The following IL1RAPL1 variants were observed in gnomAD, a reference collection of about 807,000 sequenced individuals.
IL1RAPL1 encodes the protein interleukin 1 receptor accessory protein like 1.
In IL1RAPL1, 3 loss-of-function variants were observed where a neutral mutation model predicts 48.4. The observed-to-expected ratio is 0.06, with a 90% CI of 0.03 to 0.16. IL1RAPL1 has a LOEUF of 0.16. IL1RAPL1 is among the 10% of genes least tolerant of loss of function. The pLI is 1.00. For synonymous variants in IL1RAPL1, 185 were observed against 187.7 expected (o/e 0.99, Z 0.12); for missense variants, 349 against 530.6 (o/e 0.66, Z 3.36).
rs192159720 is a variant in IL1RAPL1, at chrX:29,238,416, C to A, written c.83-44522C>A. Among the ~76,000 whole-genome samples the A allele has an allele frequency of 2.6e-3, 295 of 111,766 alleles. 6 individuals carry two copies. The highest frequency in any genetic ancestry group is 0.024 in the Admixed American group (251 of 10,519). Reference sequence around the variant, plus strand: ...TATCCAGACTTCTTATTTGTTCTTCCTGTATTACCTATTGATTATTATAAT... The same window carrying A: ...TATCCAGACTTCTTATTTGTTCTTCATGTATTACCTATTGATTATTATAAT... On this transcript the variant is annotated intron_variant, in intron 2 of 10. Coordinates refer to ENST00000378993, the MANE Select transcript of IL1RAPL1 (RefSeq NM_014271.4).
intron 1 of IL1RAPL1, among the ~76,000 whole-genome samples, chrX:28,755,915 G>C (rs1369206609): frequency 9.0e-6 from 1 of 111,477 alleles, no homozygotes; most frequent in African/African-American, 3.3e-5. Context: ...CGAGTAATTT[G>C]CACTTCTGTT....
Position 29,460,255 on chromosome X carries a change from C to A in IL1RAPL1, c.703+60947C>A, listed in dbSNP as rs944237806. The stretch of plus-strand genomic sequence containing the variant: ...CTTAACTATCTTGTAATATTGGCCT[C>A]TATGAATTTTTAAGTAGCAGAATCA... On this transcript the variant is annotated intron_variant, in intron 5 of 10. Coordinates refer to ENST00000378993, the MANE Select transcript of IL1RAPL1 (RefSeq NM_014271.4). 9.9e-4 allele frequency among the ~76,000 whole-genome samples: 111 copies of A among 112,184 alleles called. 7 individuals carry two copies. The highest frequency in any genetic ancestry group is 1.3e-4 in the Non-Finnish European group (7 of 53,226).
chrX:29,656,945 C>T (rs1177423880), intron 5 of IL1RAPL1, among the ~76,000 whole-genome samples: 2 of 110,674 alleles, frequency 1.8e-5, no homozygotes, highest in Non-Finnish European at 3.8e-5. Flanking sequence ...TATGGATTTT[C>T]ATCAGTCCTT....
chrX:29,002,515 T>C (rs941141998), intron 2 of IL1RAPL1, among the ~76,000 whole-genome samples: 14 of 109,624 alleles, frequency 1.3e-4, no homozygotes, highest in Non-Finnish European at 2.5e-4. Flanking sequence ...TTATATACTT[T>C]TCTATATGTA....
At chrX:28,724,187 A>G (rs892831877) in intron 1 of IL1RAPL1, among the ~76,000 whole-genome samples, 1 of 111,576 alleles carries the variant, frequency 9.0e-6, no homozygotes, top group Non-Finnish European at 1.9e-5. Flanking sequence ...TAATGTTGAC[A>G]GTGCAGCGTT....
At chrX:28,667,005 G>A (rs188887318) in intron 1 of IL1RAPL1, among the ~76,000 whole-genome samples, 151 of 111,515 alleles carry the variant, frequency 1.4e-3, no homozygotes, top group African/African-American at 4.5e-3. Context: ...GTAGTGTGGA[G>A]ATATTTATTA....
chrX:28,956,411 C>T (rs943686867), intron 2 of IL1RAPL1, among the ~76,000 whole-genome samples: 6 of 110,404 alleles, frequency 5.4e-5, no homozygotes, highest in African/African-American at 1.7e-4. Context: ...TCATAGATAG[C>T]TGTTATTATT....
intron 3 of IL1RAPL1, among the ~76,000 whole-genome samples, chrX:29,381,553 A>G (rs1411561190): frequency 1.1e-5 from 1 of 90,667 alleles, no homozygotes; most frequent in Non-Finnish European, 2.1e-5. Flanking sequence ...GCTGGCATGC[A>G]CCTGTAGTCC....
intron 1 of IL1RAPL1, among the ~76,000 whole-genome samples, chrX:28,713,510 T>C (rs1320939478): frequency 1.8e-5 from 2 of 111,612 alleles, no homozygotes; most frequent in African/African-American, 6.5e-5. Context: ...ATTTTTGCTT[T>C]GGGAGAAAAG....
intron 1 of IL1RAPL1, among the ~76,000 whole-genome samples, chrX:28,706,420 C>CTT (rs199806459): frequency 1.7e-4 from 17 of 102,753 alleles, no homozygotes; most frequent in African/African-American, 5.7e-4. Context: ...TCTTTCTTTT[C>CTT]TTTTTTTTTT....
At chrX:29,927,384 C>T (rs1308880967) in intron 8 of IL1RAPL1, among the ~76,000 whole-genome samples, 1 of 111,849 alleles carries the variant, frequency 8.9e-6, no homozygotes, top group Non-Finnish European at 1.9e-5. Context: ...AATTAATTGC[C>T]TCATTCTTTT....
At chrX:29,585,732 A>G (rs1048303621) in intron 5 of IL1RAPL1, among the ~76,000 whole-genome samples, 1 of 111,834 alleles carries the variant, frequency 8.9e-6, no homozygotes. Flanking sequence ...AGGTGATGTC[A>G]TATGTCATTT....
intron 2 of IL1RAPL1, among the ~76,000 whole-genome samples, chrX:28,809,511 G>C (rs955395778): frequency 9.1e-6 from 1 of 110,489 alleles, no homozygotes; most frequent in African/African-American, 3.3e-5. Flanking sequence ...GAGTACCAAA[G>C]ATATGCAGCA....
chrX:29,284,197 C>T (rs1932246432), intron 3 of IL1RAPL1, among the ~76,000 whole-genome samples: 1 of 111,906 alleles, frequency 8.9e-6, no homozygotes, highest in African/African-American at 3.3e-5. Context: ...AAATCCTGAT[C>T]AGCAGCTAAC....
intron 8 of IL1RAPL1, among the ~76,000 whole-genome samples, chrX:29,925,412 G>GTTTT (rs763481708): frequency 0.076 from 875 of 11,466 alleles, 356 homozygotes; most frequent in South Asian, 0.097. Flanking sequence ...TCCCGTAACT[G>GTTTT]TTTTTTTTTT....
At chrX:29,893,252 A>G (rs556098508) in intron 6 of IL1RAPL1, among the ~76,000 whole-genome samples, 2 of 111,717 alleles carry the variant, frequency 1.8e-5, no homozygotes, top group African/African-American at 3.2e-5. Flanking sequence ...AAATATCAGA[A>G]TAAGTGACAT....
intron 2 of IL1RAPL1, among the ~76,000 whole-genome samples, chrX:28,816,497 T>C (rs1936873253): frequency 9.0e-6 from 1 of 110,677 alleles, no homozygotes; most frequent in Non-Finnish European, 1.9e-5. Flanking sequence ...AGCATGCAGT[T>C]TTTGGTTTTC....
intron 2 of IL1RAPL1, among the ~76,000 whole-genome samples, chrX:28,798,275 C>T (rs943913543): frequency 9.0e-6 from 1 of 111,713 alleles, no homozygotes; most frequent in Non-Finnish European, 1.9e-5. Flanking sequence ...TAGGCTTGCA[C>T]GTGATCCATA....
intron 3 of IL1RAPL1, among the ~76,000 whole-genome samples, chrX:29,283,526 G>A (rs1252166041): frequency 8.9e-6 from 1 of 112,383 alleles, no homozygotes; most frequent in Non-Finnish European, 1.9e-5. Flanking sequence ...GCAAAGACTT[G>A]CAGAAAGGAT....
Sources: allele counts gnomAD v4.1 joint callset (sites outside exome capture counted in the v4.1 genomes callset), GRCh38; gene constraint gnomAD v4.1.1; transcripts MANE v1.5; gene names NCBI Gene and HGNC (gene_info 2026-07-23, HGNC 2026-07-21).